Variants in GSDMD observed in about 807,000 individuals in gnomAD.
GSDMD encodes gasdermin D, also known as gasdermin-D.
In GSDMD, 46 loss-of-function variants were observed where a neutral mutation model predicts 46.7. The ratio of observed to expected loss-of-function variants is 0.99; its 90% CI spans 0.78 to 1.26. GSDMD has a LOEUF of 1.26. GSDMD is among the 50% of genes most tolerant of loss of function. The pLI is 0.00. For missense variants in GSDMD, 649 were observed against 638.8 expected (o/e 1.02, Z -0.17); for synonymous variants, 307 against 283.1 (o/e 1.08, Z -0.85).
At chr8:143,556,703 G>A (rs1031080064), upstream of GSDMD, among the ~76,000 whole-genome samples, 2 of 152,242 alleles carry the variant, frequency 1.3e-5, no homozygotes, top group Admixed American at 6.5e-5. Context: ...TGGGAGGGCC[G>A]GGTGGGAGGA....
At chr8:143,558,096 G>T (rs1823350944), upstream of GSDMD, 2 of 499,964 alleles carry the variant, frequency 4.0e-6, no homozygotes, top group Non-Finnish European at 3.6e-6. Flanking sequence ...GTTTCACCAT[G>T]TTGGTCAGTC....
chr8:143,562,272 G>C lies in GSDMD; in HGVS notation c.1060G>C (p.Glu354Gln). ...PLDGPAGAVL[E>Q]CLVLSSGMLV... ...GGACGGTCCAGCAGGTGCTGTCCTGGAGTGCCTGGTGTTGTCCTCCGGAAT... is the reference window on the plus strand; with the variant it reads ...GGACGGTCCAGCAGGTGCTGTCCTGCAGTGCCTGGTGTTGTCCTCCGGAAT... The change falls in exon 9 of 11, where the codon GAG becomes CAG. Residue 354 changes from glutamate to glutamine, a missense_variant. By Grantham distance (29) the Glu-to-Gln change is conservative. Transcript: ENST00000262580. 1.3e-6 allele frequency: 2 copies of C among 1,557,940 alleles called. No homozygotes were observed. Among genetic ancestry groups the C allele is most frequent in the Non-Finnish European group, 8.7e-7 (1 of 1,152,284 alleles).
Position 143,561,022 on chromosome 8 carries a change from G to A in GSDMD, c.600G>A (p.Leu200=). Residue 200 remains leucine (L), a synonymous_variant, in exon 5 of 11, where the codon CTG becomes CTA. Transcript: ENST00000262580. ...CTCAGGGTGAGGGCCAGGGCCATCT[G>A]AGCCAGAAGAAGACGGTCACCATCC... ...TCLQGEGQGH[L]SQKKTVTIPS... is the part of the protein sequence containing the mutation. The A allele has an allele frequency of 4.3e-6, 7 of 1,612,932 alleles. No homozygotes were observed. Among genetic ancestry groups the A allele is most frequent in the Non-Finnish European group, 5.9e-6 (7 of 1,179,960 alleles).
chr8:143,554,108 G>T (rs117574426), upstream of GSDMD, among the ~76,000 whole-genome samples: 11 of 152,372 alleles, frequency 7.2e-5, no homozygotes, highest in East Asian at 2.1e-3. Flanking sequence ...CAAAGGAAAG[G>T]AGAAAAGCGG....
rs1382793207 is a variant in GSDMD, at chr8:143,559,957, T to C, written c.398T>C (p.Leu133Pro). ...GTGGACCCTAACACCTGGCAGACTCTGCTCCATGAGAGGTGGGCCCGAAGA... is the reference window on the plus strand; with the variant it reads ...GTGGACCCTAACACCTGGCAGACTCCGCTCCATGAGAGGTGGGCCCGAAGA... ...LSVDPNTWQT[L>P]LHERHLRQPE... Residue 133 changes from leucine to proline, a missense_variant, in exon 3 of 11, where the codon CTG becomes CCG. Leu to Pro is a moderately conservative substitution (Grantham distance 98, BLOSUM62 -3). Transcript: ENST00000262580. 1 of 1,611,218 alleles carries C rather than the reference T, an allele frequency of 6.2e-7. No individual in the cohort carries two copies.
upstream of GSDMD, among the ~76,000 whole-genome samples, chr8:143,557,015 C>T (rs1053089840): frequency 2.0e-5 from 3 of 152,270 alleles, no homozygotes; most frequent in Middle Eastern, 3.2e-3. Context: ...AACCCCCGTC[C>T]CGGGCACCGG....
upstream of GSDMD, among the ~76,000 whole-genome samples, chr8:143,554,633 G>A (rs1322568296): frequency 1.4e-5 from 2 of 145,910 alleles, no homozygotes; most frequent in Non-Finnish European, 3.0e-5. Flanking sequence ...GCATAAACGC[G>A]CGCAAACGCA....
At chr8:143,562,155 G>T in intron 8 of GSDMD, 24 bp downstream of exon 8, 1 of 1,597,060 alleles carries the variant, frequency 6.3e-7, no homozygotes, top group Non-Finnish European at 8.5e-7. Context: ...GGTGCCCGGG[G>T]CACACAAGGC....
chr8:143,556,434 A>G (rs1160319927), upstream of GSDMD, among the ~76,000 whole-genome samples: 1 of 152,160 alleles, frequency 6.6e-6, no homozygotes, highest in African/African-American at 2.4e-5. Context: ...AGTCCCAGCT[A>G]CTCAGGAGAC....
upstream of GSDMD, among the ~76,000 whole-genome samples, chr8:143,554,516 T>G (rs950164859): frequency 4.8e-5 from 7 of 146,666 alleles, no homozygotes; most frequent in African/African-American, 1.8e-4. Flanking sequence ...TACGCACGTG[T>G]GTGCTCACGT....
At chr8:143,556,109 G>A (rs879841606), upstream of GSDMD, 1 of 152,190 alleles carries the variant, frequency 6.6e-6, no homozygotes, top group Non-Finnish European at 1.5e-5. Context: ...TACTCGGGAG[G>A]GTGAGACAGG....
chr8:143,559,650 T>C, intron 2 of GSDMD, 98 bp downstream of exon 2: 1 of 1,427,866 alleles, frequency 7.0e-7, no homozygotes, highest in Non-Finnish European at 9.6e-7. Context: ...AGCCTCTAGC[T>C]CTGGGCCTCT....
At chr8:143,560,857 A>C in intron 4 of GSDMD, 86 bp downstream of exon 4, 1 of 1,438,848 alleles carries the variant, frequency 7.0e-7, no homozygotes, top group Non-Finnish European at 9.2e-7. Context: ...GGCTCCGCCA[A>C]GGCCCCTCGG....
chr8:143,557,698 G>GC (rs1823341734), upstream of GSDMD, among the ~76,000 whole-genome samples: 4 of 152,312 alleles, frequency 2.6e-5, no homozygotes, highest in Admixed American at 1.3e-4. Flanking sequence ...GACTCCACGT[G>GC]CCCCCCGCGC....
chr8:143,562,726 G>A lies in GSDMD; in HGVS notation c.1277G>A (p.Gly426Glu), dbSNP rs566477078. 1.6e-5 allele frequency: 26 copies of A among 1,591,344 alleles called. No homozygotes were observed. In the South Asian group the frequency reaches 2.7e-4, roughly 17 times the overall value. Reference protein sequence around the residue: ...QERSTMSLPPGLLGNSWGEGA... With the variant: ...QERSTMSLPPELLGNSWGEGA... ...CGCAGCACCATGTCCCTGCCCCCCG[G>A]GCTCCTGGGGAACAGCTGGGGCGAA... Residue 426 changes from glycine to glutamate, a missense_variant, in exon 11 of 11, where the codon GGG (glycine) becomes GAG (glutamate). Physicochemically the swap from Gly to Glu is moderately conservative, Grantham distance 98. Coordinates refer to ENST00000262580, the MANE Select transcript of GSDMD (RefSeq NM_024736.7).
intron 5 of GSDMD, 94 bp downstream of exon 5, chr8:143,561,198 C>T: frequency 7.5e-7 from 1 of 1,325,838 alleles, no homozygotes; most frequent in Non-Finnish European, 1.1e-6. Flanking sequence ...CTGCCGTGGG[C>T]CCCTGGCTGA....
rs372679903 is a variant in GSDMD at position 143,562,461 on chromosome 8, G to A, written c.1152G>A (p.Thr384=). 45 of 1,608,670 alleles carry A rather than the reference G, an allele frequency of 2.8e-5. No homozygotes were observed. Among genetic ancestry groups the A allele is most frequent in the Middle Eastern group, 1.7e-4 (1 of 6,024 alleles). The part of the protein sequence containing the change: ...LLGALTMLSE[T]QHKLLAEALE... ...ACTCTCTCCCAGTGCTGAGTGAAACGCAGCACAAGCTGCTGGCGGAGGCGC... is the reference window on the plus strand; with the variant it reads ...ACTCTCTCCCAGTGCTGAGTGAAACACAGCACAAGCTGCTGGCGGAGGCGC... Residue 384 remains threonine, a synonymous_variant, in exon 10 of 11, where the codon ACG becomes ACA. Coordinates refer to ENST00000262580, the MANE Select transcript of GSDMD (RefSeq NM_024736.7).
At position 143,562,539 on chromosome 8, in the gene GSDMD, G is replaced by A. The variant is rs1277025900; in HGVS notation, c.1212+18G>A. The A allele has an allele frequency of 1.3e-5, 21 of 1,604,544 alleles. No individual in the cohort carries two copies. The highest frequency in any genetic ancestry group is 2.2e-5 in the East Asian group (1 of 44,836). Reference sequence around the variant, plus strand: ...TCGAGCTGGTGAGAGGGTTGGGTTCGGGCTGCAGGAGGATGGGCTGAGCCA... The same window carrying A: ...TCGAGCTGGTGAGAGGGTTGGGTTCAGGCTGCAGGAGGATGGGCTGAGCCA... On this transcript the variant is annotated intron_variant, in intron 10 of 10. Transcript: ENST00000262580.
chr8:143,556,474 G>A (rs2130557761), upstream of GSDMD, among the ~76,000 whole-genome samples: 1 of 152,344 alleles, frequency 6.6e-6, no homozygotes, highest in South Asian at 2.1e-4. Context: ...GAGCCCAGGA[G>A]GTCGAGGCTG....
Sources: allele counts gnomAD v4.1 joint callset (sites outside exome capture counted in the v4.1 genomes callset), GRCh38; gene constraint gnomAD v4.1.1; transcripts MANE v1.5; gene names NCBI Gene and HGNC (gene_info 2026-07-23, HGNC 2026-07-21).